Variants in CMC2 observed in about 807,000 individuals in gnomAD.
CMC2 encodes the protein COX assembly mitochondrial protein 2 homolog.
Under a neutral mutation model 7.5 loss-of-function variants are expected in CMC2, and 5 were observed. The observed-to-expected ratio is 0.66, with a 90% CI of 0.35 to 1.40. The LOEUF is 1.40. CMC2 is among the 40% of genes most tolerant of loss of function. CMC2 has a pLI of 0.04. For missense variants in CMC2, 115 were observed against 92.3 expected (o/e 1.25, Z -1.01); for synonymous variants, 37 against 31.4 (o/e 1.18, Z -0.60).
At chr16:80,978,749 A>G (rs2151615494) in intron 3 of CMC2, among the ~76,000 whole-genome samples, 1 of 152,130 alleles carries the variant, frequency 6.6e-6, no homozygotes, top group Non-Finnish European at 1.5e-5. Context: ...GACACAGCGG[A>G]GTCCCAACAA....
At chr16:80,985,807 GC>G (rs1967474847) in intron 2 of CMC2, among the ~76,000 whole-genome samples, 2 of 146,712 alleles carry the variant, frequency 1.4e-5, no homozygotes, top group Non-Finnish European at 3.0e-5. Context: ...ACCTGGTTTA[GC>G]AAACAGTAAG....
At chr16:80,984,916 G>A (rs1967405467) in intron 2 of CMC2, among the ~76,000 whole-genome samples, 1 of 152,156 alleles carries the variant, frequency 6.6e-6, no homozygotes, top group East Asian at 1.9e-4. Flanking sequence ...TAGAAGAAAT[G>A]CCCACAGGCT....
intron 3 of CMC2, chr16:80,980,711 G>C: frequency 1.6e-6 from 1 of 616,474 alleles, no homozygotes; most frequent in Non-Finnish European, 2.9e-6. Flanking sequence ...CCAAAACAGT[G>C]AGACTCTCAT....
intron 2 of CMC2, among the ~76,000 whole-genome samples, chr16:80,992,705 C>CTTTTTTTTTTTTTTTTTTTTTTTT (rs71390989): frequency 1.1e-5 from 1 of 92,518 alleles, no homozygotes; most frequent in Non-Finnish European, 2.3e-5. Flanking sequence ...ATTCCCCCTC[C>CTTTTTTTTTTTTTTTTTTTTTTTT]TTTTTTTTTT....
chr16:81,006,692 C>A, intron 1 of CMC2, 42 bp downstream of exon 1: 1 of 985,042 alleles, frequency 1.0e-6, no homozygotes, highest in Non-Finnish European at 1.2e-6. Flanking sequence ...TGAGGAGGAA[C>A]AACGGAACGC....
chr16:80,990,579 C>T (rs889467472), intron 2 of CMC2, among the ~76,000 whole-genome samples: 2 of 152,222 alleles, frequency 1.3e-5, no homozygotes, highest in Non-Finnish European at 1.5e-5. Context: ...TCTTTTTGCA[C>T]AAATGAAGAG....
intron 1 of CMC2, among the ~76,000 whole-genome samples, chr16:81,000,972 A>G (rs1451381359): frequency 1.3e-5 from 2 of 152,232 alleles, no homozygotes; most frequent in Non-Finnish European, 2.9e-5. Flanking sequence ...TGGATTGGAT[A>G]AAGAAAATAT....
chr16:80,976,115 G>A lies in CMC2; in HGVS notation c.218C>T (p.Pro73Leu), dbSNP rs776226623. ...GIAMRKKLFN[P>L]PEESEK Reference sequence around the variant, plus strand: ...AATTTATTTTTCGGATTCCTCTGGAGGATTAAAAAGTTTCTTTCGCATTGC... The same window carrying A: ...AATTTATTTTTCGGATTCCTCTGGAAGATTAAAAAGTTTCTTTCGCATTGC... Residue 73 changes from proline (P) to leucine (L), a missense_variant, in exon 4 of 4, where the codon CCT becomes CTT. Coordinates refer to ENST00000219400, the MANE Select transcript of CMC2 (RefSeq NM_020188.5). 4 of 1,605,234 alleles carry A rather than the reference G, an allele frequency of 2.5e-6. No homozygotes were observed. In the Admixed American group the frequency reaches 6.7e-5, roughly 27 times the overall value.
intron 2 of CMC2, among the ~76,000 whole-genome samples, chr16:80,996,049 C>G (rs1469124): frequency 0.65 from 99,069 of 151,626 alleles, 34,061 homozygotes; most frequent in Middle Eastern, 0.8. Context: ...AATTTAAAAA[C>G]AGTCATGGAC....
intron 2 of CMC2, among the ~76,000 whole-genome samples, chr16:80,987,771 G>A (rs748218293): frequency 2.0e-5 from 3 of 152,210 alleles, no homozygotes; most frequent in Non-Finnish European, 2.9e-5. Flanking sequence ...TTCCAGCACA[G>A]ACAGGGGTAT....
At chr16:80,997,217 A>G in intron 2 of CMC2, 97 bp downstream of exon 2, 1 of 773,098 alleles carries the variant, frequency 1.3e-6, no homozygotes, top group Non-Finnish European at 2.3e-6. Flanking sequence ...TTACTAAGAC[A>G]TTATCGTTTC....
chr16:80,974,997 TAGA>T lies in CMC2; in HGVS notation c.*1093_*1095del, dbSNP rs536530271. 39 of 152,326 alleles carry T rather than the reference TAGA, an allele frequency of 2.6e-4. No homozygotes were observed. The highest frequency in any genetic ancestry group is 9.1e-4 in the African/African-American group (38 of 41,572). The allele number at this position is 152,326 out of a possible 1,614,324, so 9.4% of individuals were successfully genotyped here. Reference sequence around the variant, plus strand: ...CTGGATATTATACACAGAACTCCACTAGAAGGAGCTCACAGCTGAGTCTGTTCC... The same window carrying T: ...CTGGATATTATACACAGAACTCCACTAGGAGCTCACAGCTGAGTCTGTTCC... On this transcript the variant is annotated 3_prime_UTR_variant, in exon 4 of 4. Coordinates refer to ENST00000219400, the MANE Select transcript of CMC2 (RefSeq NM_020188.5).
In CMC2 at chr16:80,993,455, T is replaced by TC. The variant is rs150085018; in HGVS notation, c.81+3858dup. Among the ~76,000 whole-genome samples the TC allele has an allele frequency of 1.4e-3, 216 of 152,232 alleles. 1 individual carries two copies. The East Asian group carries it at 0.033, about 23-fold the overall frequency. Reference sequence around the variant, plus strand: ...AGGTAGAGATAAGCAGCAAAAGAACTCCAGAAATCTACATGGAGCTGCCTT... The same window carrying TC: ...AGGTAGAGATAAGCAGCAAAAGAACTCCCAGAAATCTACATGGAGCTGCCTT... On this transcript the variant is annotated intron_variant, in intron 2 of 3. Transcript: ENST00000219400.
intron 2 of CMC2, among the ~76,000 whole-genome samples, chr16:80,991,510 C>T (rs184107539): frequency 1.3e-3 from 201 of 152,080 alleles, no homozygotes; most frequent in African/African-American, 4.5e-3. Flanking sequence ...AGCATGGTGA[C>T]GTGGCCTGTA....
chr16:80,987,680 G>A (rs1297174356), intron 2 of CMC2, among the ~76,000 whole-genome samples: 2 of 152,168 alleles, frequency 1.3e-5, no homozygotes, highest in Non-Finnish European at 2.9e-5. Context: ...AGCACGGAAA[G>A]AATGATAAAA....
rs1374683041 is a variant in CMC2 at position 81,004,617 on chromosome 16, ATG to A, written c.-36+2115_-36+2116del. Among the ~76,000 whole-genome samples, 3 of 152,278 alleles carry A rather than the reference ATG, an allele frequency of 2.0e-5. No individual in the cohort carries two copies. In the East Asian group the frequency reaches 5.8e-4, roughly 29 times the overall value. ...ATTCCTTAAAATTTTCAGCTGTCAA[ATG>A]TGTTTTGATAGCTAGCTAAGGGGCC... On this transcript the variant is annotated intron_variant, in intron 1 of 3. Coordinates refer to ENST00000219400, the MANE Select transcript of CMC2 (RefSeq NM_020188.5).
intron 1 of CMC2, chr16:80,998,270 G>C (rs1968586705): frequency 6.6e-6 from 1 of 151,798 alleles, no homozygotes; most frequent in Admixed American, 6.6e-5. Context: ...ATTACCAAAA[G>C]AAAGAACCGA....
chr16:81,003,955 G>A (rs1969044970), intron 1 of CMC2, among the ~76,000 whole-genome samples: 1 of 152,240 alleles, frequency 6.6e-6, no homozygotes, highest in African/African-American at 2.4e-5. Flanking sequence ...GGAAGCTGTG[G>A]CTCACGCCTG....
chr16:80,985,820 G>A (rs539380490), intron 2 of CMC2, among the ~76,000 whole-genome samples: 31 of 148,008 alleles, frequency 2.1e-4, no homozygotes, highest in Admixed American at 1.6e-3. Context: ...AACAGTAAGT[G>A]GAGCCAGGAG....
Sources: gnomAD v4.1 joint callset for allele counts (sites outside exome capture counted in the v4.1 genomes callset) on GRCh38, gnomAD v4.1.1 for gene constraint, MANE v1.5 for transcripts, NCBI Gene and HGNC (gene_info 2026-07-23, HGNC 2026-07-21) for gene names.